The following ARMH1 variants were observed in gnomAD, a reference collection of about 807,000 sequenced individuals.
ARMH1 encodes the protein armadillo like helical domain containing 1.
ARMH1 carries 34 observed loss-of-function variants against 50.2 expected under a neutral mutation model. The observed-to-expected ratio is 0.68, with a 90% CI of 0.51 to 0.90. The LOEUF (loss-of-function observed/expected upper bound fraction) is 0.90. Ranked by LOEUF, ARMH1 falls within the 40% of genes least tolerant of loss-of-function variation. ARMH1 has a pLI of 0.00. For synonymous variants in ARMH1, 221 were observed against 224.2 expected (o/e 0.99, Z 0.13); for missense variants, 538 against 553.9 (o/e 0.97, Z 0.29).
chr1:44,711,009 G>T, intron 6 of ARMH1, among the ~76,000 whole-genome samples: 1 of 152,180 alleles, frequency 6.6e-6, no homozygotes. Context: ...CACCCACATT[G>T]TAACATGCAT....
intron 1 of ARMH1, among the ~76,000 whole-genome samples, chr1:44,680,058 T>C (rs1240985932): frequency 6.6e-6 from 1 of 152,238 alleles, no homozygotes; most frequent in African/African-American, 2.4e-5. Context: ...CCATTCCTGA[T>C]GGCAGAGCAA....
intron 6 of ARMH1, among the ~76,000 whole-genome samples, chr1:44,708,088 A>C (rs112058332): frequency 0.027 from 4,132 of 152,350 alleles, 143 homozygotes; most frequent in African/African-American, 0.081. Flanking sequence ...ACTGTTTCAC[A>C]TGGTCAGAGT....
chr1:44,679,696 T>C (rs1645246593), intron 1 of ARMH1, among the ~76,000 whole-genome samples: 3 of 152,250 alleles, frequency 2.0e-5, no homozygotes, highest in Non-Finnish European at 2.9e-5. Flanking sequence ...ACTGGCCTTC[T>C]TGGATGGAGA....
At position 44,697,211 on chromosome 1, in the gene ARMH1, A is replaced by G. The variant is rs373910589; in HGVS notation, c.275+41A>G. 221 of 1,468,534 alleles carry G rather than the reference A, an allele frequency of 1.5e-4. 1 individual carries two copies. In the African/African-American group the frequency reaches 2.9e-3, roughly 19 times the overall value. The allele number at this position is 1,468,534 out of a possible 1,614,324, so 91.0% of individuals were successfully genotyped here. A position where few individuals can be genotyped will look rare whatever the true frequency, so the allele number is the denominator to read the frequency against. ...GCGTGATTCTGGGGGTCTCAGTGGC[A>G]TCTCAGGCTCATGATGTCTTTGGCA... On this transcript the variant is annotated intron_variant, in intron 3 of 11. Coordinates refer to ENST00000535358, the MANE Select transcript of ARMH1 (RefSeq NM_001145636.2).
intron 1 of ARMH1, among the ~76,000 whole-genome samples, chr1:44,676,501 G>A (rs1355193642): frequency 6.6e-6 from 1 of 152,220 alleles, no homozygotes; most frequent in African/African-American, 2.4e-5. Flanking sequence ...GGCAAAGGAG[G>A]ACGAACCTGC....
In ARMH1 at chr1:44,700,917, G is replaced by C. The variant is rs1476590269; in HGVS notation, c.443-6G>C. 2.6e-6 allele frequency: 4 copies of C among 1,537,362 alleles called. No homozygotes were observed. In the Admixed American group the frequency reaches 8.5e-5, roughly 33 times the overall value. On this transcript the variant is annotated splice_polypyrimidine_tract_variant and splice_region_variant and intron_variant, in intron 4 of 11. Coordinates refer to ENST00000535358, the MANE Select transcript of ARMH1 (RefSeq NM_001145636.2). Reference sequence around the variant, plus strand: ...CAATTTAGCATTTCCTCTCTTCTTTGCTCAGGTGTACGATCCATAGCAGAA... The same window carrying C: ...CAATTTAGCATTTCCTCTCTTCTTTCCTCAGGTGTACGATCCATAGCAGAA...
chr1:44,702,300 G>A (rs1469802900), intron 5 of ARMH1, among the ~76,000 whole-genome samples: 1 of 152,186 alleles, frequency 6.6e-6, no homozygotes, highest in African/African-American at 2.4e-5. Context: ...TCAGGAAAGT[G>A]TGTTAAGTGA....
intron 6 of ARMH1, 140 bp from the exon 7 acceptor site, chr1:44,723,982 C>T: frequency 8.8e-7 from 1 of 1,135,312 alleles, no homozygotes; most frequent in Non-Finnish European, 1.2e-6. Context: ...TTCGCCTTCC[C>T]AGCTCCCCCA....
Position 44,678,962 on chromosome 1 carries a change from T to G in ARMH1, c.-23+4089T>G, listed in dbSNP as rs147140677. 3.9e-5 allele frequency among the ~76,000 whole-genome samples: 6 copies of G among 152,292 alleles called. No homozygotes were observed. In the East Asian group the frequency reaches 1.2e-3, roughly 29 times the overall value. On this transcript the variant is annotated intron_variant, in intron 1 of 11. Transcript: ENST00000535358. ...AGTTTCCCTGCATGAAGAAGAACCA[T>G]TTGGCCACTATAGAAATGATTTATG...
chr1:44,716,856 T>C (rs547389388), intron 6 of ARMH1, among the ~76,000 whole-genome samples: 2 of 151,222 alleles, frequency 1.3e-5, no homozygotes, highest in East Asian at 1.9e-4. Context: ...TTTTTCTTTT[T>C]TTTTTTTTTT....
At chr1:44,709,514 T>C (rs113695595) in intron 6 of ARMH1, among the ~76,000 whole-genome samples, 51 of 152,028 alleles carry the variant, frequency 3.4e-4, no homozygotes, top group Admixed American at 8.5e-4. Flanking sequence ...CTACTAAAAA[T>C]ACAAAAAATT....
chr1:44,702,811 AAGG>A (rs1447445817), intron 5 of ARMH1, among the ~76,000 whole-genome samples: 1 of 152,132 alleles, frequency 6.6e-6, no homozygotes, highest in African/African-American at 2.4e-5. Flanking sequence ...GAGTTTCCGT[AAGG>A]AGGACATGAT....
intron 6 of ARMH1, among the ~76,000 whole-genome samples, chr1:44,713,604 C>T (rs972008494): frequency 4.6e-5 from 7 of 152,192 alleles, no homozygotes; most frequent in African/African-American, 9.6e-5. Flanking sequence ...CTTTATTCAG[C>T]GTTTATAAAA....
intron 1 of ARMH1, among the ~76,000 whole-genome samples, chr1:44,680,508 T>A (rs1157420577): frequency 1.3e-5 from 2 of 152,212 alleles, no homozygotes; most frequent in African/African-American, 4.8e-5. Context: ...AGTGCCATAT[T>A]GGGTTTAGAC....
intron 1 of ARMH1, among the ~76,000 whole-genome samples, chr1:44,678,889 A>T (rs1178604984): frequency 1.3e-5 from 2 of 152,178 alleles, no homozygotes; most frequent in South Asian, 2.1e-4. Flanking sequence ...GTTGCCAAGG[A>T]CCTTTGGCTT....
At chr1:44,695,513 G>A (rs1421771719) in intron 2 of ARMH1, among the ~76,000 whole-genome samples, 4 of 149,646 alleles carry the variant, frequency 2.7e-5, no homozygotes, top group Non-Finnish European at 5.9e-5. Context: ...GACTAGCTGG[G>A]TGTGGTGGCT....
chr1:44,681,509 G>C lies in ARMH1; in HGVS notation c.-23+6636G>C, dbSNP rs2148573734. ...ACACTGATAAATAAATAATAATAAA[G>C]ATAGGTAAAAATCAAGGCTAACAAG... On this transcript the variant is annotated intron_variant, in intron 1 of 11. Transcript: ENST00000535358. This position sits in a 1 kb window ranked among gnomAD's most constrained non-coding sequence, Gnocchi z 4.3. Among the ~76,000 whole-genome samples, 1 of 152,140 alleles carries C rather than the reference G, an allele frequency of 6.6e-6. No homozygotes were observed. The highest frequency in any genetic ancestry group is 3.4e-3 in the Middle Eastern group (1 of 294).
chr1:44,724,791 G>A lies in ARMH1; in HGVS notation c.1080G>A (p.Ala360=), dbSNP rs1453661590. Residue 360 remains alanine, a synonymous_variant, in exon 10 of 12, where the codon GCG becomes GCA. Coordinates refer to ENST00000535358, the MANE Select transcript of ARMH1 (RefSeq NM_001145636.2). The surrounding 1 kb of genome is among the most constrained non-coding windows in gnomAD (Gnocchi z 6.4). ...ECFVQMFPLV[A]EHVRKCMGEE... ...TCGTGCAGATGTTCCCCTTGGTGGCGGAGCACGTGCGCAAGTGCATGGGGG... is the reference window on the plus strand; with the variant it reads ...TCGTGCAGATGTTCCCCTTGGTGGCAGAGCACGTGCGCAAGTGCATGGGGG... 2.6e-6 allele frequency: 4 copies of A among 1,543,818 alleles called. No individual in the cohort carries two copies. The African/African-American group carries it at 4.1e-5, about 16-fold the overall frequency.
rs1016011381 is a variant in ARMH1 at position 44,724,995 on chromosome 1, C to T, written c.1129-141C>T. ...CTGCTCTGGCGTAGGCTCCTCCACCCGCCACCTTCCTGTTCCCTTTCCTGC... is the reference window on the plus strand; with the variant it reads ...CTGCTCTGGCGTAGGCTCCTCCACCTGCCACCTTCCTGTTCCCTTTCCTGC... On this transcript the variant is annotated intron_variant, in intron 10 of 11. Coordinates refer to ENST00000535358, the MANE Select transcript of ARMH1 (RefSeq NM_001145636.2). The surrounding 1 kb of genome is among the most constrained non-coding windows in gnomAD (Gnocchi z 6.4). 14 of 1,503,272 alleles carry T rather than the reference C, an allele frequency of 9.3e-6. No homozygotes were observed. In the Admixed American group the frequency reaches 1.7e-4, roughly 18 times the overall value. 93.1% of individuals were successfully genotyped at this position (1,503,272 alleles called of 1,614,324 possible).
Sources: gnomAD v4.1 joint callset for allele counts (sites outside exome capture counted in the v4.1 genomes callset) on GRCh38, gnomAD v4.1.1 for gene constraint, Gnocchi (gnomAD v3.1) non-coding constraint, MANE v1.5 for transcripts, NCBI Gene and HGNC (gene_info 2026-07-23, HGNC 2026-07-21) for gene names.